The following MRPS27 variants were observed in gnomAD, a reference collection of about 807,000 sequenced individuals.
The protein encoded by MRPS27 is small ribosomal subunit protein mS27.
In MRPS27, 43 loss-of-function variants were observed where a neutral mutation model predicts 48.9. That is an observed-to-expected ratio of 0.88 (90% CI 0.69 to 1.13). The LOEUF is 1.13. MRPS27 is among the 50% of genes most tolerant of loss of function. The pLI, the probability that MRPS27 is intolerant of heterozygous loss-of-function variation, is 0.00. For synonymous variants in MRPS27, 188 were observed against 171.9 expected, an observed-to-expected ratio of 1.09 and a Z score of -0.73; for missense variants, 467 against 476.3, an observed-to-expected ratio of 0.98 and a Z score of 0.18.
chr5:72,293,780 A>C (rs1749902207), intron 4 of MRPS27, among the ~76,000 whole-genome samples: 1 of 152,192 alleles, frequency 6.6e-6, no homozygotes, highest in Non-Finnish European at 1.5e-5. Context: ...ACTGTATCTC[A>C]CAGGATGAAA....
chr5:72,238,035 G>A lies in MRPS27; in HGVS notation c.375C>T (p.Ala125=), dbSNP rs1401917450. ...TCACCTTATTTACAAGGGTATATAG[G>A]GCTTTGTCTTGTGCATCATATTTTA... is the stretch of plus-strand genomic sequence containing the variant. ...QCLKYDAQDK[A]LYTLVNKVQY... Residue 125 remains alanine (A), a synonymous_variant, in exon 5 of 11, where the codon GCC becomes GCT. Coordinates refer to ENST00000261413, the MANE Select transcript of MRPS27 (RefSeq NM_015084.3). 15 of 1,612,606 alleles carry A rather than the reference G, an allele frequency of 9.3e-6. No individual in the cohort carries two copies. Among genetic ancestry groups the A allele is most frequent in the Non-Finnish European group, 1.3e-5 (15 of 1,179,010 alleles).
At chr5:72,305,418 C>A (rs944986578) in intron 2 of MRPS27, among the ~76,000 whole-genome samples, 1 of 152,142 alleles carries the variant, frequency 6.6e-6, no homozygotes, top group East Asian at 1.9e-4. Flanking sequence ...CACAGCAAAA[C>A]TAAATCTCAG....
intron 2 of MRPS27, among the ~76,000 whole-genome samples, chr5:72,309,180 T>C (rs1443838212): frequency 2.7e-5 from 4 of 149,188 alleles, no homozygotes; most frequent in Non-Finnish European, 6.0e-5. Flanking sequence ...AAAAATTCAG[T>C]AAATGGTGGC....
intron 1 of MRPS27, 49 bp from the exon 2 acceptor site, chr5:72,314,207 C>A (rs751408472): frequency 3.7e-6 from 5 of 1,339,960 alleles, no homozygotes; most frequent in African/African-American, 1.4e-5. Context: ...ACAAGAGGTT[C>A]ATTTTATATG....
chr5:72,256,947 T>C (rs903257040), intron 4 of MRPS27, among the ~76,000 whole-genome samples: 37 of 152,194 alleles, frequency 2.4e-4, no homozygotes, highest in Admixed American at 5.9e-4. Context: ...GTGCCATTCT[T>C]AGTAAGCACA....
At chr5:72,253,788 G>A (rs1748725388) in intron 4 of MRPS27, among the ~76,000 whole-genome samples, 1 of 152,190 alleles carries the variant, frequency 6.6e-6, no homozygotes, top group Non-Finnish European at 1.5e-5. Flanking sequence ...TTGTTAAGAT[G>A]TAGTCTTTAA....
intron 7 of MRPS27, among the ~76,000 whole-genome samples, chr5:72,231,542 C>T (rs1304752142): frequency 1.3e-5 from 2 of 152,120 alleles, no homozygotes. Context: ...CTCACCAGTA[C>T]ATAACTAGCA....
chr5:72,248,800 G>C (rs529932756), intron 4 of MRPS27, among the ~76,000 whole-genome samples: 3 of 148,744 alleles, frequency 2.0e-5, no homozygotes, highest in Non-Finnish European at 4.5e-5. Flanking sequence ...GTTTGCTATT[G>C]TGATCCACAG....
At chr5:72,289,688 A>C (rs1749768697) in intron 4 of MRPS27, among the ~76,000 whole-genome samples, 1 of 152,154 alleles carries the variant, frequency 6.6e-6, no homozygotes, top group Non-Finnish European at 1.5e-5. Flanking sequence ...TGCTGGGATT[A>C]CAGGCATGAG....
intron 4 of MRPS27, among the ~76,000 whole-genome samples, chr5:72,242,827 A>G (rs973642949): frequency 6.6e-6 from 1 of 152,200 alleles, no homozygotes; most frequent in African/African-American, 2.4e-5. Flanking sequence ...TAAAGTGGCA[A>G]TGCTCATCAG....
At chr5:72,246,711 C>T (rs1000688161) in intron 4 of MRPS27, among the ~76,000 whole-genome samples, 3 of 152,048 alleles carry the variant, frequency 2.0e-5, no homozygotes, top group African/African-American at 7.2e-5. Context: ...AATTTACTAG[C>T]CCTGTTCTAG....
chr5:72,236,899 T>C (rs1179827759), intron 5 of MRPS27, among the ~76,000 whole-genome samples: 1 of 151,530 alleles, frequency 6.6e-6, no homozygotes, highest in Non-Finnish European at 1.5e-5. Context: ...CAAGTTGTTT[T>C]TACTGTTTTT....
chr5:72,285,426 A>G (rs1032639202), intron 4 of MRPS27, among the ~76,000 whole-genome samples: 2 of 152,218 alleles, frequency 1.3e-5, no homozygotes, highest in Admixed American at 6.5e-5. Context: ...AATTCAGTAA[A>G]TTTATCTACT....
intron 4 of MRPS27, among the ~76,000 whole-genome samples, chr5:72,283,291 A>G (rs28733660): frequency 0.11 from 16,463 of 152,142 alleles, 2,082 homozygotes; most frequent in African/African-American, 0.31. Context: ...TTTTATGTTA[A>G]TTTTTTTCTA....
chr5:72,244,994 G>A (rs1276670887), intron 4 of MRPS27, among the ~76,000 whole-genome samples: 1 of 152,190 alleles, frequency 6.6e-6, no homozygotes, highest in Non-Finnish European at 1.5e-5. Flanking sequence ...AGCAATATGT[G>A]TAGATAACCA....
chr5:72,304,556 A>T (rs942610386), intron 2 of MRPS27, among the ~76,000 whole-genome samples: 1 of 152,230 alleles, frequency 6.6e-6, no homozygotes, highest in African/African-American at 2.4e-5. Context: ...ACAGGCAAAA[A>T]GCAGTTTTAT....
intron 10 of MRPS27, chr5:72,222,535 A>C (rs1747776185): frequency 6.6e-6 from 1 of 152,254 alleles, no homozygotes; most frequent in Non-Finnish European, 1.5e-5. Flanking sequence ...TCTCTGAGGC[A>C]AAGTATATAA....
chr5:72,261,634 G>A (rs1748980676), intron 4 of MRPS27, among the ~76,000 whole-genome samples: 1 of 152,158 alleles, frequency 6.6e-6, no homozygotes, highest in Non-Finnish European at 1.5e-5. Flanking sequence ...ACTTTCAGAA[G>A]CAATGGCTGA....
intron 4 of MRPS27, among the ~76,000 whole-genome samples, chr5:72,268,177 T>A (rs149575507): frequency 1.3e-5 from 2 of 152,036 alleles, no homozygotes; most frequent in Admixed American, 1.3e-4. Context: ...GAAAAAAAAA[T>A]TATAAGTCAA....
Sources: allele counts gnomAD v4.1 joint callset (sites outside exome capture counted in the v4.1 genomes callset), GRCh38; gene constraint gnomAD v4.1.1; transcripts MANE v1.5; gene names NCBI Gene and HGNC (gene_info 2026-07-23, HGNC 2026-07-21).